The following MICAL3 variants were observed in gnomAD, a reference collection of about 807,000 sequenced individuals.
The protein encoded by MICAL3 is [F-actin]-monooxygenase MICAL3.
MICAL3 carries 62 observed loss-of-function variants against 207.4 expected under a neutral mutation model. That is an observed-to-expected ratio of 0.30 (90% CI 0.24 to 0.37). MICAL3 has a LOEUF of 0.37. Among genes scored for constraint, MICAL3 ranks in the 10% least tolerant of loss-of-function variants. The probability of loss-of-function intolerance (pLI) is 1.00; values close to 1 mark genes in which losing one functional copy is unlikely to be tolerated. For synonymous variants in MICAL3, 1,077 were observed against 1,069.3 expected (o/e 1.01, Z -0.14); for missense variants, 2,368 against 2,635.6 (o/e 0.90, Z 2.22).
At chr22:17,903,052 C>T (rs961779880) in intron 3 of MICAL3, among the ~76,000 whole-genome samples, 1 of 152,244 alleles carries the variant, frequency 6.6e-6, no homozygotes, top group African/African-American at 2.4e-5. Context: ...GGTTCCTTTC[C>T]ATCTTCCCAA....
At chr22:17,978,619 T>TG (rs1935763063) in intron 1 of MICAL3, among the ~76,000 whole-genome samples, 1 of 151,728 alleles carries the variant, frequency 6.6e-6, no homozygotes, top group Non-Finnish European at 1.5e-5. Flanking sequence ...GTTCAAACAA[T>TG]TCTCCTACTT....
intron 1 of MICAL3, among the ~76,000 whole-genome samples, chr22:18,015,422 CTTT>C (rs34098867): frequency 5.7e-5 from 6 of 105,598 alleles, no homozygotes; most frequent in Non-Finnish European, 3.7e-5. Context: ...TAAGACTCAT[CTTT>C]TTTTTTTTTT....
chr22:17,895,992 A>C (rs139721894), intron 9 of MICAL3, among the ~76,000 whole-genome samples: 36 of 152,340 alleles, frequency 2.4e-4, no homozygotes, highest in Non-Finnish European at 4.4e-4. Flanking sequence ...ATTCAAAGCT[A>C]CTTTTAATTT....
chr22:17,884,247 C>T (rs1262679759), intron 16 of MICAL3: 3 of 1,532,506 alleles, frequency 2.0e-6, no homozygotes, highest in African/African-American at 2.8e-5. Flanking sequence ...AGAGACAGCA[C>T]CCATCCTGGC....
intron 2 of MICAL3, 28 bp from the exon 3 acceptor site, chr22:17,904,867 G>C (rs754131061): frequency 6.6e-7 from 1 of 1,525,762 alleles, no homozygotes; most frequent in Non-Finnish European, 9.1e-7. Context: ...TTTCAGGGCA[G>C]GCGGCACTTC....
chr22:17,854,123 C>T (rs1569096049), intron 19 of MICAL3, among the ~76,000 whole-genome samples: 1 of 152,204 alleles, frequency 6.6e-6, no homozygotes, highest in African/African-American at 2.4e-5. Flanking sequence ...CATGTCCTTT[C>T]TTCTAACCTT....
At chr22:17,815,982 G>A (rs1601957283) in intron 27 of MICAL3, among the ~76,000 whole-genome samples, 1 of 152,230 alleles carries the variant, frequency 6.6e-6, no homozygotes, top group African/African-American at 2.4e-5. Context: ...CAGGAAGCAG[G>A]AGACAGCCGG....
chr22:17,814,112 A>C (rs1054564470), intron 27 of MICAL3: 20 of 152,248 alleles, frequency 1.3e-4, no homozygotes, highest in African/African-American at 4.6e-4. Context: ...GAGTGGCCCC[A>C]GGATCCTGGC....
chr22:17,991,073 C>T (rs553388302), intron 1 of MICAL3, among the ~76,000 whole-genome samples: 8 of 152,346 alleles, frequency 5.3e-5, no homozygotes, highest in African/African-American at 9.6e-5. Context: ...CGGCTCCTGG[C>T]GTGCAGATGA....
At chr22:17,978,137 T>C (rs931286791) in intron 1 of MICAL3, among the ~76,000 whole-genome samples, 1 of 152,128 alleles carries the variant, frequency 6.6e-6, no homozygotes, top group African/African-American at 2.4e-5. Flanking sequence ...TGGAAATAAC[T>C]CAAATGCCTA....
intron 1 of MICAL3, among the ~76,000 whole-genome samples, chr22:17,971,187 G>T (rs754022442): frequency 1.3e-5 from 2 of 151,448 alleles, no homozygotes; most frequent in Non-Finnish European, 2.9e-5. Flanking sequence ...AGAAAAAAAG[G>T]GGGGGGCTGG....
chr22:17,862,274 T>A (rs935591688), intron 19 of MICAL3: 4 of 936,634 alleles, frequency 4.3e-6, no homozygotes, highest in African/African-American at 1.8e-5. Context: ...TTTTTTTTTT[T>A]AGATGGAGTC....
chr22:17,875,729 A>G (rs1928256929), intron 16 of MICAL3, among the ~76,000 whole-genome samples: 1 of 148,294 alleles, frequency 6.7e-6, no homozygotes, highest in African/African-American at 2.5e-5. Context: ...TAAGCGGCCC[A>G]TGCAAGGCTT....
chr22:17,810,287 TCTC>T (rs1362294585), intron 28 of MICAL3, among the ~76,000 whole-genome samples: 2 of 152,176 alleles, frequency 1.3e-5, no homozygotes, highest in East Asian at 3.9e-4. Flanking sequence ...ATGGTCTCAA[TCTC>T]CTGACCTTGT....
intron 1 of MICAL3, among the ~76,000 whole-genome samples, chr22:17,998,563 ATTT>A (rs563326449): frequency 7.8e-6 from 1 of 128,248 alleles, no homozygotes; most frequent in African/African-American, 2.6e-5. Flanking sequence ...TATTATTATT[ATTT>A]TTTTTTTGAG....
chr22:17,914,440 G>GGGAAAGTGCAGATGA (rs1169594186), intron 1 of MICAL3, among the ~76,000 whole-genome samples: 1 of 152,086 alleles, frequency 6.6e-6, no homozygotes, highest in African/African-American at 2.4e-5. Context: ...TTTGCAGATG[G>GGGAAAGTGCAGATGA]GGAAAGGCAT....
chr22:17,872,684 C>T (rs1340587622), intron 16 of MICAL3: 3 of 997,684 alleles, frequency 3.0e-6, no homozygotes, highest in South Asian at 2.6e-5. Context: ...TGACTCAGCA[C>T]ACAGGTGTGT....
At chr22:17,873,751 C>T (rs976187979) in intron 16 of MICAL3, among the ~76,000 whole-genome samples, 25 of 152,380 alleles carry the variant, frequency 1.6e-4, no homozygotes, top group African/African-American at 5.8e-4. Context: ...CATCATGAGC[C>T]GCCCTGCTCA....
chr22:17,877,159 TTATG>T (rs1928690046), intron 16 of MICAL3, among the ~76,000 whole-genome samples: 1 of 132,902 alleles, frequency 7.5e-6, no homozygotes, highest in Non-Finnish European at 1.6e-5. Flanking sequence ...GTTAGGGAGG[TTATG>T]GAGGTTAGGG....
Sources: allele counts gnomAD v4.1 joint callset (sites outside exome capture counted in the v4.1 genomes callset), GRCh38; gene constraint gnomAD v4.1.1; transcripts MANE v1.5; gene names NCBI Gene and HGNC (gene_info 2026-07-23, HGNC 2026-07-21).